NPFFR1: variants seen among roughly 807,000 people sequenced by gnomAD.
The protein encoded by NPFFR1 is G-protein coupled receptor 147.
In NPFFR1, 17 loss-of-function variants were observed where a neutral mutation model predicts 12.7. That is an observed-to-expected ratio of 1.34 (90% confidence interval 0.92 to 2.01). The LOEUF (loss-of-function observed/expected upper bound fraction) is 2.01, where lower values mean the gene tolerates loss of function less well. Ranked by LOEUF, NPFFR1 falls within the 30% of genes most tolerant of loss-of-function variation. The probability of loss-of-function intolerance (pLI) is 0.00; values close to 1 mark genes in which losing one functional copy is unlikely to be tolerated. For synonymous variants in NPFFR1, 296 were observed against 264.5 expected, an observed-to-expected ratio of 1.12 and a Z score of -1.16; for missense variants, 604 against 606.5, an observed-to-expected ratio of 1.00 and a Z score of 0.04.
At chr10:70,265,682 C>T (rs1840683056) in intron 2 of NPFFR1, among the ~76,000 whole-genome samples, 3 of 152,172 alleles carry the variant, frequency 2.0e-5, no homozygotes, top group Admixed American at 1.3e-4. Context: ...TGGTATAATA[C>T]AATAATTAGA....
chr10:70,253,428 C>T lies in NPFFR1; in HGVS notation c.*1529G>A, dbSNP rs1283666509. On this transcript the variant is annotated 3_prime_UTR_variant, in exon 4 of 4. Transcript: ENST00000277942. The stretch of plus-strand genomic sequence containing the variant: ...ACAAATTTTAATCTAAATCCTGCCC[C>T]TCTGTGGCCCTGGAAACTTGGCCCC... The T allele has an allele frequency of 6.6e-6, 1 of 152,210 alleles. No individual in the cohort carries two copies. The highest frequency in any genetic ancestry group is 2.4e-5 in the African/African-American group (1 of 41,420). 9.4% of individuals were successfully genotyped at this position (152,210 alleles called of 1,614,324 possible).
At chr10:70,274,377 A>C (rs1299443267) in intron 1 of NPFFR1, among the ~76,000 whole-genome samples, 1 of 152,042 alleles carries the variant, frequency 6.6e-6, no homozygotes, top group Non-Finnish European at 1.5e-5. Context: ...TGAACCCGGG[A>C]GGTGGAGGTT....
At chr10:70,272,106 G>C (rs1447468292) in intron 1 of NPFFR1, among the ~76,000 whole-genome samples, 1 of 146,202 alleles carries the variant, frequency 6.8e-6, no homozygotes, top group Non-Finnish European at 1.5e-5. Flanking sequence ...GACAGAGCGA[G>C]ACTCTGCCTC....
chr10:70,255,562 C>T lies in NPFFR1; in HGVS notation c.688G>A (p.Ala230Thr), dbSNP rs1175034711. The change falls in exon 4 of 4, where the codon GCG (alanine) becomes ACG (threonine). Residue 230 changes from alanine to threonine, a missense_variant. Ala to Thr is a moderately conservative substitution (Grantham distance 58). Transcript: ENST00000277942. The surrounding 1 kb of genome is among the most constrained non-coding windows in gnomAD (Gnocchi z 4.2). ...CGGGCGTACATGACCACGATGAGCG[C>T]CAGCGGCGCCAGGTAGATGTGCGAG... ...LFSHIYLAPL[A>T]LIVVMYARIA... The T allele has an allele frequency of 1.0e-5, 16 of 1,550,960 alleles. No homozygotes were observed. Among genetic ancestry groups the T allele is most frequent in the Non-Finnish European group, 1.0e-5 (12 of 1,147,032 alleles).
chr10:70,261,169 G>A (rs370188962), intron 2 of NPFFR1, among the ~76,000 whole-genome samples: 4 of 152,082 alleles, frequency 2.6e-5, no homozygotes, highest in Admixed American at 6.5e-5. Context: ...TAACTGAATC[G>A]TGGGAGTGGT....
chr10:70,275,575 T>A (rs10999228), intron 1 of NPFFR1, among the ~76,000 whole-genome samples: 2,099 of 150,806 alleles, frequency 0.014, 39 homozygotes, highest in African/African-American at 0.047. Flanking sequence ...CTGCTTCAGC[T>A]AAGTGTAGAG....
chr10:70,259,056 G>A (rs984105830), intron 3 of NPFFR1, among the ~76,000 whole-genome samples: 30 of 152,174 alleles, frequency 2.0e-4, no homozygotes, highest in African/African-American at 6.8e-4. Flanking sequence ...GGAGGCTGAG[G>A]AGGGTGGATC....
chr10:70,256,166 C>T (rs1296864528), intron 3 of NPFFR1, among the ~76,000 whole-genome samples: 1 of 151,678 alleles, frequency 6.6e-6, no homozygotes, highest in Non-Finnish European at 1.5e-5. Flanking sequence ...CTCCACCTCC[C>T]GGGCTCAAGT....
In NPFFR1 at chr10:70,247,721, G is replaced by A. The variant is rs905310446; in HGVS notation, c.*7236C>T. 1.3e-5 allele frequency: 2 copies of A among 152,150 alleles called. No homozygotes were observed. The highest frequency in any genetic ancestry group is 2.9e-5 in the Non-Finnish European group (2 of 68,034). 9.4% of individuals were successfully genotyped at this position (152,150 alleles called of 1,614,324 possible). On this transcript the variant is annotated 3_prime_UTR_variant, in exon 4 of 4. Coordinates refer to ENST00000277942, the MANE Select transcript of NPFFR1 (RefSeq NM_022146.5). ...GGGTTTTTCCACCCACATTAATTTG[G>A]TTGCTTGCACATGACAACAGCATCA...
Position 70,247,774 on chromosome 10 carries a change from G to A in NPFFR1, c.*7183C>T, listed in dbSNP as rs1307054211. The A allele has an allele frequency of 6.6e-6, 1 of 152,268 alleles. No homozygotes were observed. The highest frequency in any genetic ancestry group is 1.5e-5 in the Non-Finnish European group (1 of 68,070). 9.4% of individuals were successfully genotyped at this position (152,268 alleles called of 1,614,324 possible). A position where few individuals can be genotyped will look rare whatever the true frequency, so the allele number is the denominator to read the frequency against. On this transcript the variant is annotated 3_prime_UTR_variant, in exon 4 of 4. Transcript: ENST00000277942. Reference sequence around the variant, plus strand: ...TATTGGTGACAGGATTCAAAGACCTGGGCATTGCAGCTAGCAGGAGAACAC... The same window carrying A: ...TATTGGTGACAGGATTCAAAGACCTAGGCATTGCAGCTAGCAGGAGAACAC...
Position 70,255,989 on chromosome 10 carries a change from G to A in NPFFR1, c.423-162C>T, listed in dbSNP as rs918105028. Among the ~76,000 whole-genome samples, 9 of 152,072 alleles carry A rather than the reference G, an allele frequency of 5.9e-5. No homozygotes were observed. Among genetic ancestry groups the A allele is most frequent in the Admixed American group, 1.3e-4 (2 of 15,258 alleles). On this transcript the variant is annotated intron_variant, in intron 3 of 3. Transcript: ENST00000277942. The surrounding 1 kb of genome is among the most constrained non-coding windows in gnomAD (Gnocchi z 4.2). Reference sequence around the variant, plus strand: ...GCTGAGTAGTCAAAGAACAAAGGCAGCTACAGGATTTATGAGAAGGGAGGA... The same window carrying A: ...GCTGAGTAGTCAAAGAACAAAGGCAACTACAGGATTTATGAGAAGGGAGGA...
chr10:70,247,508 G>C lies in NPFFR1; in HGVS notation c.*7449C>G, dbSNP rs1840461871. 6.6e-6 allele frequency: 1 copy of C among 152,136 alleles called. No individual in the cohort carries two copies. The highest frequency in any genetic ancestry group is 2.1e-4 in the South Asian group (1 of 4,820). The allele number at this position is 152,136 out of a possible 1,614,324, so 9.4% of individuals were successfully genotyped here. ...CTACACAACATACTCCTCCTGGGGG[G>C]CAGTCAAAACACAGAAATGTAGATC... On this transcript the variant is annotated 3_prime_UTR_variant, in exon 4 of 4. Coordinates refer to ENST00000277942, the MANE Select transcript of NPFFR1 (RefSeq NM_022146.5).
chr10:70,259,210 C>T (rs866111698), intron 3 of NPFFR1, among the ~76,000 whole-genome samples: 9 of 151,600 alleles, frequency 5.9e-5, no homozygotes, highest in Middle Eastern at 6.8e-3. Context: ...GGCTTGAACC[C>T]GGGAGGCAGA....
Position 70,249,851 on chromosome 10 carries a change from C to G in NPFFR1, c.*5106G>C, listed in dbSNP as rs2394680. The G allele has an allele frequency of 0.21, 32,059 of 151,156 alleles. 4,275 individuals carry two copies. The highest frequency in any genetic ancestry group is 0.28 in the Non-Finnish European group (19,107 of 67,946). The allele number at this position is 151,156 out of a possible 1,614,324, so 9.4% of individuals were successfully genotyped here. On this transcript the variant is annotated 3_prime_UTR_variant, in exon 4 of 4. Coordinates refer to ENST00000277942, the MANE Select transcript of NPFFR1 (RefSeq NM_022146.5). ...AAAAGATATAAGAATGCAGTAAGCA[C>G]ACAAAAAGATGCCCAGCATCACTAG... is the stretch of plus-strand genomic sequence containing the variant.
At chr10:70,266,492 C>CTTGGGGGA in intron 1 of NPFFR1, 101 bp from the exon 2 acceptor site, 2 of 926,730 alleles carry the variant, frequency 2.2e-6, no homozygotes, top group South Asian at 1.7e-5. Context: ...CTTAACCATG[C>CTTGGGGGA]CCTGGTCCCC....
chr10:70,273,932 T>C (rs1344627081), intron 1 of NPFFR1, among the ~76,000 whole-genome samples: 2 of 152,036 alleles, frequency 1.3e-5, no homozygotes, highest in Non-Finnish European at 2.9e-5. Flanking sequence ...GAGAAAGTGT[T>C]AGAGATGGGC....
chr10:70,265,250 T>G (rs1451903744), intron 2 of NPFFR1, among the ~76,000 whole-genome samples: 1 of 152,150 alleles, frequency 6.6e-6, no homozygotes, highest in Non-Finnish European at 1.5e-5. Context: ...TGAGGACCAG[T>G]GAGCTGCTGG....
rs1433299506 is a variant in NPFFR1 at position 70,255,627 on chromosome 10, G to T, written c.623C>A (p.Pro208His). ...YPLYSCWEAW[P>H]EKGMRRVYTT... ...GTAGACCCTGCGCATGCCCTTCTCGGGCCAGGCCTCCCAGCAGGAGTAGAG... is the reference window on the plus strand; with the variant it reads ...GTAGACCCTGCGCATGCCCTTCTCGTGCCAGGCCTCCCAGCAGGAGTAGAG... Residue 208 changes from proline (P) to histidine (H), a missense_variant, in exon 4 of 4, where the codon CCC becomes CAC. Coordinates refer to ENST00000277942, the MANE Select transcript of NPFFR1 (RefSeq NM_022146.5). The surrounding 1 kb of genome is among the most constrained non-coding windows in gnomAD (Gnocchi z 4.2). The T allele has an allele frequency of 3.2e-6, 5 of 1,579,436 alleles. No homozygotes were observed. Among genetic ancestry groups the T allele is most frequent in the Non-Finnish European group, 4.3e-6 (5 of 1,162,946 alleles).
At position 70,249,959 on chromosome 10, in the gene NPFFR1, G is replaced by A. The variant is rs1168404492; in HGVS notation, c.*4998C>T. On this transcript the variant is annotated 3_prime_UTR_variant, in exon 4 of 4. Coordinates refer to ENST00000277942, the MANE Select transcript of NPFFR1 (RefSeq NM_022146.5). ...ACAGTCTTGCTCTGTCACCCAGGTT[G>A]GAGTGCAGTGGCGCAATTTTGGCTC... 2 of 136,334 alleles carry A rather than the reference G, an allele frequency of 1.5e-5. No individual in the cohort carries two copies. Among genetic ancestry groups the A allele is most frequent in the Non-Finnish European group, 3.1e-5 (2 of 64,942 alleles). 8.4% of individuals were successfully genotyped at this position (136,334 alleles called of 1,614,324 possible).
Sources: gnomAD v4.1 joint callset for allele counts (sites outside exome capture counted in the v4.1 genomes callset) on GRCh38, gnomAD v4.1.1 for gene constraint, Gnocchi (gnomAD v3.1) non-coding constraint, MANE v1.5 for transcripts, NCBI Gene and HGNC (gene_info 2026-07-23, HGNC 2026-07-21) for gene names.